Variants in UXS1 observed in about 807,000 individuals in gnomAD.
UXS1 encodes UDP-glucuronate decarboxylase 1.
In UXS1, 33 loss-of-function variants were observed where a neutral mutation model predicts 62.6. The ratio of observed to expected loss-of-function variants is 0.53; its 90% CI spans 0.40 to 0.70. The LOEUF is 0.70. Among genes scored for constraint, UXS1 ranks in the 30% least tolerant of loss-of-function variants. The pLI is 0.00. For missense variants in UXS1, 434 were observed against 556.3 expected (o/e 0.78, Z 2.21); for synonymous variants, 213 against 206.8 (o/e 1.03, Z -0.26).
chr2:106,186,492 G>C (rs559125643), intron 1 of UXS1, among the ~76,000 whole-genome samples: 1 of 141,098 alleles, frequency 7.1e-6, no homozygotes. Flanking sequence ...ATGAATATAC[G>C]TAAATATGTA....
intron 6 of UXS1, among the ~76,000 whole-genome samples, chr2:106,137,236 T>C (rs1231243257): frequency 1.3e-5 from 2 of 152,184 alleles, no homozygotes; most frequent in South Asian, 2.1e-4. Context: ...TATTGTATTA[T>C]ACAAATTGTA....
intron 5 of UXS1, among the ~76,000 whole-genome samples, chr2:106,156,070 G>A (rs1483513091): frequency 6.6e-6 from 1 of 152,074 alleles, no homozygotes; most frequent in Non-Finnish European, 1.5e-5. Flanking sequence ...AAGCATTTGT[G>A]CTTCAAAGAA....
intron 1 of UXS1, among the ~76,000 whole-genome samples, chr2:106,177,272 T>G (rs1050206799): frequency 2.7e-5 from 4 of 146,908 alleles, no homozygotes; most frequent in African/African-American, 1.0e-4. Flanking sequence ...CTTGGCTCAC[T>G]GTAACCTTTG....
At position 106,093,782 on chromosome 2, in the gene UXS1, C is replaced by T. The variant is rs1676852078; in HGVS notation, c.*244G>A. The stretch of plus-strand genomic sequence containing the variant: ...AGCAAGATAAAAAAACTTGAAAATA[C>T]GCAGAGATGCATCTACGCTATTTTA... On this transcript the variant is annotated 3_prime_UTR_variant, in exon 15 of 15. Coordinates refer to ENST00000283148, the MANE Select transcript of UXS1 (RefSeq NM_001253875.2). 1.2e-5 allele frequency: 5 copies of T among 410,946 alleles called. No homozygotes were observed. In the East Asian group the frequency reaches 1.6e-4, roughly 13 times the overall value. The allele number at this position is 410,946 out of a possible 1,614,324, so 25.5% of individuals were successfully genotyped here. A position where few individuals can be genotyped will look rare whatever the true frequency, so the allele number is the denominator to read the frequency against.
At chr2:106,190,241 A>T (rs1311764087) in intron 1 of UXS1, among the ~76,000 whole-genome samples, 2 of 152,232 alleles carry the variant, frequency 1.3e-5, no homozygotes, top group Non-Finnish European at 2.9e-5. Context: ...CAGCATTTAC[A>T]TAGTCATGCT....
intron 1 of UXS1, among the ~76,000 whole-genome samples, chr2:106,169,199 C>G (rs1165692121): frequency 5.3e-5 from 8 of 152,138 alleles, no homozygotes; most frequent in African/African-American, 1.9e-4. Context: ...CTTTACTGTG[C>G]TATATATCTC....
chr2:106,162,192 G>C (rs1032064721), intron 4 of UXS1, among the ~76,000 whole-genome samples: 1 of 152,178 alleles, frequency 6.6e-6, no homozygotes, highest in Non-Finnish European at 1.5e-5. Context: ...CAAGCAGCCC[G>C]AGAGGCAAAT....
At chr2:106,163,348 G>C (rs1558741567) in intron 4 of UXS1, among the ~76,000 whole-genome samples, 1 of 152,098 alleles carries the variant, frequency 6.6e-6, no homozygotes, top group East Asian at 1.9e-4. Context: ...AGGCCCACTG[G>C]ATTGTCCTCC....
intron 6 of UXS1, among the ~76,000 whole-genome samples, chr2:106,143,498 G>T (rs1681313561): frequency 6.8e-6 from 1 of 147,028 alleles, no homozygotes; most frequent in African/African-American, 2.5e-5. Flanking sequence ...AGTCCTCACA[G>T]TAGTTTTCTA....
At chr2:106,156,208 C>A (rs890139066) in intron 5 of UXS1, among the ~76,000 whole-genome samples, 5 of 151,832 alleles carry the variant, frequency 3.3e-5, no homozygotes, top group African/African-American at 1.2e-4. Context: ...AAAAATAACC[C>A]AATTAAAGAA....
intron 5 of UXS1, among the ~76,000 whole-genome samples, chr2:106,147,457 A>G (rs1006801703): frequency 2.0e-5 from 3 of 152,180 alleles, no homozygotes; most frequent in African/African-American, 7.2e-5. Context: ...AAAGTTTTAC[A>G]CAAAGATTTA....
At chr2:106,172,873 C>A (rs1448138645) in intron 1 of UXS1, among the ~76,000 whole-genome samples, 1 of 152,166 alleles carries the variant, frequency 6.6e-6, no homozygotes, top group Non-Finnish European at 1.5e-5. Context: ...CACCTGCCTG[C>A]CTCAGGGCCT....
intron 14 of UXS1, 139 bp from the exon 15 acceptor site, chr2:106,094,296 A>C: frequency 1.1e-5 from 9 of 788,836 alleles, no homozygotes; most frequent in African/African-American, 2.2e-5. Flanking sequence ...TCACAGAACC[A>C]TGCTTTGGTT....
chr2:106,153,412 A>T (rs1228511682), intron 5 of UXS1, among the ~76,000 whole-genome samples: 2 of 152,194 alleles, frequency 1.3e-5, no homozygotes, highest in African/African-American at 4.8e-5. Flanking sequence ...ACCCACCATC[A>T]TCCCAGGGGG....
At chr2:106,121,123 AT>A (rs936283063) in intron 9 of UXS1, among the ~76,000 whole-genome samples, 6 of 152,164 alleles carry the variant, frequency 3.9e-5, no homozygotes, top group Admixed American at 1.3e-4. Context: ...TGAAATGCAG[AT>A]CCTGGCTGGA....
chr2:106,155,448 T>C (rs1291520828), intron 5 of UXS1, among the ~76,000 whole-genome samples: 1 of 152,190 alleles, frequency 6.6e-6, no homozygotes, highest in Admixed American at 6.5e-5. Context: ...ATTAGTTAAT[T>C]ACAAGGCATT....
At chr2:106,130,241 C>A (rs1680328973) in intron 6 of UXS1, among the ~76,000 whole-genome samples, 2 of 151,868 alleles carry the variant, frequency 1.3e-5, no homozygotes, top group Non-Finnish European at 2.9e-5. Context: ...AAAACCAGAC[C>A]CTGAGACCAT....
chr2:106,094,212 C>CGCAGCAAGGAAGTGCCACCTT, intron 14 of UXS1, 55 bp from the exon 15 acceptor site: 1 of 1,186,126 alleles, frequency 8.4e-7, no homozygotes, highest in Non-Finnish European at 1.2e-6. Flanking sequence ...AGAAGGGCAT[C>CGCAGCAAGGAAGTGCCACCTT]GCAGGAAGGA....
Position 106,096,836 on chromosome 2 carries a change from G to GA in UXS1, c.1043-16dup, listed in dbSNP as rs768679247. The GA allele has an allele frequency of 1.9e-5, 30 of 1,563,380 alleles. No individual in the cohort carries two copies. The highest frequency in any genetic ancestry group is 2.5e-5 in the Non-Finnish European group (29 of 1,152,124). ...ACTTCCGCTACCTGAGATGTTTAAA[G>GA]AAAAAAAAGGTAGGAGAGAATCACA... On this transcript the variant is annotated splice_polypyrimidine_tract_variant and intron_variant, in intron 13 of 14. Transcript: ENST00000283148.
Sources: gnomAD v4.1 joint callset for allele counts (sites outside exome capture counted in the v4.1 genomes callset) on GRCh38, gnomAD v4.1.1 for gene constraint, MANE v1.5 for transcripts, NCBI Gene and HGNC (gene_info 2026-07-23, HGNC 2026-07-21) for gene names.